Variants in ZBTB7C observed in about 807,000 individuals in gnomAD.
The protein encoded by ZBTB7C is zinc finger and BTB domain-containing protein 7C.
Under a neutral mutation model 25.7 loss-of-function variants are expected in ZBTB7C, and 8 were observed. That is an observed-to-expected ratio of 0.31 (90% CI 0.18 to 0.56). ZBTB7C has a LOEUF of 0.56. Ranked by LOEUF, ZBTB7C falls within the 20% of genes least tolerant of loss-of-function variation. The pLI is 0.91. For missense variants in ZBTB7C, 824 were observed against 855.2 expected, an observed-to-expected ratio of 0.96 and a Z score of 0.46; for synonymous variants, 394 against 369.0, an observed-to-expected ratio of 1.07 and a Z score of -0.78.
chr18:48,064,643 T>C (rs962382765), intron 3 of ZBTB7C, among the ~76,000 whole-genome samples: 4 of 152,152 alleles, frequency 2.6e-5, no homozygotes, highest in Non-Finnish European at 5.9e-5. Context: ...CTTAGGAGGC[T>C]GAAGTGGGAG....
At chr18:48,303,146 G>A (rs2144750829) in intron 2 of ZBTB7C, among the ~76,000 whole-genome samples, 1 of 152,322 alleles carries the variant, frequency 6.6e-6, no homozygotes, top group Middle Eastern at 3.4e-3. Context: ...CTTGACTTCT[G>A]TGCACCTCAA....
intron 1 of ZBTB7C, among the ~76,000 whole-genome samples, chr18:48,353,121 C>T (rs935053051): frequency 6.6e-6 from 1 of 152,186 alleles, no homozygotes; most frequent in African/African-American, 2.4e-5. Flanking sequence ...ATAGGGCTTT[C>T]CTATCCAGTA....
intron 3 of ZBTB7C, among the ~76,000 whole-genome samples, chr18:48,160,491 G>A (rs753881748): frequency 1.3e-5 from 2 of 152,154 alleles, no homozygotes; most frequent in Non-Finnish European, 2.9e-5. Flanking sequence ...GTCATCTCCC[G>A]CTCTGGGTCT....
At chr18:48,341,919 C>G (rs1263078708) in intron 1 of ZBTB7C, among the ~76,000 whole-genome samples, 1 of 152,196 alleles carries the variant, frequency 6.6e-6, no homozygotes, top group Non-Finnish European at 1.5e-5. Context: ...CAAGGCCTCA[C>G]TCTCGTTCCA....
intron 2 of ZBTB7C, among the ~76,000 whole-genome samples, chr18:48,324,531 A>C (rs2144872715): frequency 6.6e-6 from 1 of 152,244 alleles, no homozygotes; most frequent in Middle Eastern, 3.4e-3. Context: ...TCACATGTAG[A>C]AACCCTAATC....
intron 2 of ZBTB7C, among the ~76,000 whole-genome samples, chr18:48,317,389 G>A (rs1598856512): frequency 6.6e-6 from 1 of 151,930 alleles, no homozygotes; most frequent in African/African-American, 2.4e-5. Flanking sequence ...TTCAACTTGT[G>A]CCTCAGCTCA....
At chr18:48,268,040 A>G (rs973748539) in intron 2 of ZBTB7C, among the ~76,000 whole-genome samples, 2 of 152,226 alleles carry the variant, frequency 1.3e-5, no homozygotes, top group Non-Finnish European at 2.9e-5. Context: ...CCATAGGCCA[A>G]CATTCAAGAT....
chr18:48,296,746 C>A (rs1166786862), intron 2 of ZBTB7C, among the ~76,000 whole-genome samples: 1 of 147,400 alleles, frequency 6.8e-6, no homozygotes, highest in Non-Finnish European at 1.5e-5. Flanking sequence ...CTGTTAGGTA[C>A]CAGGCCACAC....
intron 3 of ZBTB7C, among the ~76,000 whole-genome samples, chr18:48,166,888 C>T (rs1406360988): frequency 6.6e-6 from 1 of 151,948 alleles, no homozygotes; most frequent in Non-Finnish European, 1.5e-5. Flanking sequence ...GTTGTGTTGT[C>T]CTTACTGGCG....
At chr18:48,255,580 T>G (rs2043997435) in intron 2 of ZBTB7C, among the ~76,000 whole-genome samples, 1 of 152,134 alleles carries the variant, frequency 6.6e-6, no homozygotes, top group South Asian at 2.1e-4. Flanking sequence ...AATAGGGAAG[T>G]TTTAGCCAGC....
chr18:48,062,625 G>C (rs2037168763), intron 3 of ZBTB7C, among the ~76,000 whole-genome samples: 1 of 152,196 alleles, frequency 6.6e-6, no homozygotes, highest in Non-Finnish European at 1.5e-5. Context: ...GAGACCAGGA[G>C]TGGCCAAGTC....
chr18:48,237,656 T>C (rs2043416837), intron 2 of ZBTB7C, among the ~76,000 whole-genome samples: 1 of 142,560 alleles, frequency 7.0e-6, no homozygotes, highest in South Asian at 2.3e-4. Context: ...ATGACCACTT[T>C]GCAAAAAAAA....
At position 48,165,378 on chromosome 18, in the gene ZBTB7C, G is replaced by T. The variant is rs116137854; in HGVS notation, c.-17+20556C>A. 1,428 of 374,214 alleles carry T rather than the reference G, an allele frequency of 3.8e-3. 16 individuals carry two copies. The highest frequency in any genetic ancestry group is 0.028 in the African/African-American group (1,310 of 47,508). 23.2% of individuals were successfully genotyped at this position (374,214 alleles called of 1,614,324 possible). A position where few individuals can be genotyped will look rare whatever the true frequency, so the allele number is the denominator to read the frequency against. ...AGTGATGAGCAAGAATCGCCCTGCG[G>T]AGCTGCCCATACTCTATGGCCCAAG... is the stretch of plus-strand genomic sequence containing the variant. On this transcript the variant is annotated intron_variant, in intron 3 of 4. Coordinates refer to ENST00000590800, the MANE Select transcript of ZBTB7C (RefSeq NM_001318841.2).
intron 3 of ZBTB7C, among the ~76,000 whole-genome samples, chr18:48,047,648 C>T (rs1048508806): frequency 5.3e-5 from 8 of 152,126 alleles, no homozygotes; most frequent in African/African-American, 1.7e-4. Context: ...GAAAAAATGG[C>T]ACTTCCCTCT....
At chr18:48,388,160 C>T (rs2047795053) in intron 1 of ZBTB7C, among the ~76,000 whole-genome samples, 1 of 152,128 alleles carries the variant, frequency 6.6e-6, no homozygotes. Flanking sequence ...TGTTTGCCTC[C>T]CTTCAACTGA....
At chr18:48,106,817 G>A (rs545884483) in intron 3 of ZBTB7C, among the ~76,000 whole-genome samples, 1 of 152,126 alleles carries the variant, frequency 6.6e-6, no homozygotes, top group South Asian at 2.1e-4. Flanking sequence ...CAGGGAAGAA[G>A]GGGGTTCTGC....
intron 2 of ZBTB7C, among the ~76,000 whole-genome samples, chr18:48,297,326 T>C (rs941821321): frequency 5.3e-5 from 8 of 152,202 alleles, no homozygotes; most frequent in African/African-American, 1.2e-4. Flanking sequence ...CTTAGTAGTA[T>C]GCTGTGTTTG....
At chr18:48,142,695 AGAG>A (rs1463874884) in intron 3 of ZBTB7C, among the ~76,000 whole-genome samples, 2 of 152,118 alleles carry the variant, frequency 1.3e-5, no homozygotes, top group African/African-American at 2.4e-5. Flanking sequence ...CATGGATCCC[AGAG>A]GAGGAGGGCT....
intron 2 of ZBTB7C, among the ~76,000 whole-genome samples, chr18:48,221,745 T>C (rs1423584996): frequency 6.6e-6 from 1 of 151,576 alleles, no homozygotes; most frequent in Admixed American, 6.6e-5. Flanking sequence ...AGTCTCCCTA[T>C]ATACTGTCCT....
Sources: gnomAD v4.1 joint callset for allele counts (sites outside exome capture counted in the v4.1 genomes callset) on GRCh38, gnomAD v4.1.1 for gene constraint, MANE v1.5 for transcripts, NCBI Gene and HGNC (gene_info 2026-07-23, HGNC 2026-07-21) for gene names.